Variants in ATXN1 observed in about 807,000 individuals in gnomAD.
The protein encoded by ATXN1 is ataxin-1.
Under a neutral mutation model 56.4 loss-of-function variants are expected in ATXN1, and 8 were observed. The ratio of observed to expected loss-of-function variants is 0.14; its 90% CI spans 0.08 to 0.26. The LOEUF (loss-of-function observed/expected upper bound fraction) is 0.26. ATXN1 is among the 10% of genes least tolerant of loss of function. The pLI is 1.00. For synonymous variants in ATXN1, 514 were observed against 494.6 expected, an observed-to-expected ratio of 1.04 and a Z score of -0.52; for missense variants, 987 against 1,106.5, an observed-to-expected ratio of 0.89 and a Z score of 1.53.
chr6:16,512,560 T>C lies in ATXN1; in HGVS notation c.-299+10067A>G, dbSNP rs537027299. Among the ~76,000 whole-genome samples, 4 of 152,360 alleles carry C rather than the reference T, an allele frequency of 2.6e-5. No individual in the cohort carries two copies. In the South Asian group the frequency reaches 8.3e-4, roughly 32 times the overall value. ...AGCATTTATAAAAGGTATTCTCTTTTAAAGATAAAGACAAGTTTAGAAGGC... is the reference window on the plus strand; with the variant it reads ...AGCATTTATAAAAGGTATTCTCTTTCAAAGATAAAGACAAGTTTAGAAGGC... On this transcript the variant is annotated intron_variant, in intron 5 of 7. Transcript: ENST00000436367.
chr6:16,320,258 G>A (rs1410205367), intron 7 of ATXN1, among the ~76,000 whole-genome samples: 1 of 152,042 alleles, frequency 6.6e-6, no homozygotes, highest in Non-Finnish European at 1.5e-5. Flanking sequence ...GAAAGCCATC[G>A]GTAGACAGCC....
intron 2 of ATXN1, among the ~76,000 whole-genome samples, chr6:16,682,116 T>G (rs1013485268): frequency 6.6e-6 from 1 of 152,068 alleles, no homozygotes; most frequent in Admixed American, 6.6e-5. Flanking sequence ...GGAATTTCCC[T>G]TCTTCTTTCT....
chr6:16,608,426 T>G (rs928881874), intron 3 of ATXN1, among the ~76,000 whole-genome samples: 3 of 152,192 alleles, frequency 2.0e-5, no homozygotes, highest in African/African-American at 7.2e-5. Context: ...CTACACTGTG[T>G]TTGGATGTGG....
chr6:16,722,161 G>A (rs868323542), intron 2 of ATXN1, among the ~76,000 whole-genome samples: 20 of 152,218 alleles, frequency 1.3e-4, no homozygotes, highest in African/African-American at 4.6e-4. Context: ...GGAAATGAAA[G>A]GAGATAACGA....
intron 6 of ATXN1, among the ~76,000 whole-genome samples, chr6:16,452,031 G>A (rs966281630): frequency 4.6e-5 from 7 of 152,134 alleles, no homozygotes; most frequent in Non-Finnish European, 8.8e-5. Context: ...ATGTCAGGCC[G>A]TTCTTAGATT....
At chr6:16,686,872 C>T (rs1758929659) in intron 2 of ATXN1, among the ~76,000 whole-genome samples, 1 of 152,126 alleles carries the variant, frequency 6.6e-6, no homozygotes, top group South Asian at 2.1e-4. Context: ...GAACTTGGAG[C>T]ATATTTACAA....
At chr6:16,597,622 T>A (rs1443656906) in intron 3 of ATXN1, among the ~76,000 whole-genome samples, 2 of 152,090 alleles carry the variant, frequency 1.3e-5, no homozygotes, top group African/African-American at 4.8e-5. Flanking sequence ...GTATTTTCAG[T>A]CGAGACGGGG....
At chr6:16,708,712 G>A (rs1453922229) in intron 2 of ATXN1, among the ~76,000 whole-genome samples, 1 of 152,048 alleles carries the variant, frequency 6.6e-6, no homozygotes, top group South Asian at 2.1e-4. Context: ...AAAAGAAGAC[G>A]TTCAAATCAG....
chr6:16,319,273 G>A (rs1021920380), intron 7 of ATXN1, among the ~76,000 whole-genome samples: 3 of 152,030 alleles, frequency 2.0e-5, no homozygotes, highest in African/African-American at 7.2e-5. Context: ...AAAAAGAAAT[G>A]AGCTATCAGA....
intron 4 of ATXN1, among the ~76,000 whole-genome samples, chr6:16,534,236 A>G (rs1363950595): frequency 6.6e-6 from 1 of 152,082 alleles, no homozygotes; most frequent in Non-Finnish European, 1.5e-5. Context: ...AACCCAGTTA[A>G]CCAAAAAATT....
chr6:16,602,605 C>A (rs1326604478), intron 3 of ATXN1, among the ~76,000 whole-genome samples: 1 of 152,060 alleles, frequency 6.6e-6, no homozygotes, highest in African/African-American at 2.4e-5. Context: ...GCGCAGGCCA[C>A]CATGCCCTGC....
chr6:16,521,301 C>T lies in ATXN1; in HGVS notation c.-299+1326G>A, dbSNP rs556369578. ...AAATGGGGCCGGGCGCGGTGGCTCA[C>T]GCCTGTAATCCCAGCACTTTGGGAG... On this transcript the variant is annotated intron_variant, in intron 5 of 7. Coordinates refer to ENST00000436367, the MANE Select transcript of ATXN1 (RefSeq NM_001128164.2). Among the ~76,000 whole-genome samples the T allele has an allele frequency of 7.6e-4, 116 of 152,322 alleles. No homozygotes were observed. The Middle Eastern group carries it at 0.01, about 13-fold the overall frequency.
At chr6:16,441,855 C>T (rs990250015) in intron 6 of ATXN1, among the ~76,000 whole-genome samples, 2 of 151,948 alleles carry the variant, frequency 1.3e-5, no homozygotes, top group Admixed American at 6.6e-5. Flanking sequence ...AAATAGAATT[C>T]AAGAGAAAGA....
intron 4 of ATXN1, among the ~76,000 whole-genome samples, chr6:16,578,420 T>C (rs1168918689): frequency 6.6e-6 from 1 of 152,250 alleles, no homozygotes; most frequent in African/African-American, 2.4e-5. Flanking sequence ...TCACAATGGC[T>C]ACCCCATTCC....
chr6:16,743,436 A>G (rs1760411303), intron 2 of ATXN1, among the ~76,000 whole-genome samples: 1 of 152,226 alleles, frequency 6.6e-6, no homozygotes, highest in Non-Finnish European at 1.5e-5. Flanking sequence ...ACAGGACCCC[A>G]TGCTGGTTCC....
At chr6:16,604,362 G>A (rs1239319046) in intron 3 of ATXN1, among the ~76,000 whole-genome samples, 2 of 151,182 alleles carry the variant, frequency 1.3e-5, no homozygotes, top group African/African-American at 4.9e-5. Flanking sequence ...CGTGGCACGT[G>A]GTGCACATCT....
intron 4 of ATXN1, among the ~76,000 whole-genome samples, chr6:16,534,878 G>T (rs114920290): frequency 1.0e-3 from 159 of 152,300 alleles, no homozygotes; most frequent in South Asian, 8.7e-3. Context: ...AGGCTAGGTC[G>T]CACCAGCCCT....
At chr6:16,550,426 G>T (rs1182014310) in intron 4 of ATXN1, among the ~76,000 whole-genome samples, 2 of 152,126 alleles carry the variant, frequency 1.3e-5, no homozygotes, top group Non-Finnish European at 2.9e-5. Flanking sequence ...ATCTGAGAGG[G>T]TATCCTAGAA....
intron 4 of ATXN1, among the ~76,000 whole-genome samples, chr6:16,560,508 G>A (rs1291932529): frequency 6.6e-6 from 1 of 152,130 alleles, no homozygotes; most frequent in Non-Finnish European, 1.5e-5. Context: ...CCTTTAATAT[G>A]CTTGTTCTAA....
Sources: allele counts gnomAD v4.1 joint callset (sites outside exome capture counted in the v4.1 genomes callset), GRCh38; gene constraint gnomAD v4.1.1; transcripts MANE v1.5; gene names NCBI Gene and HGNC (gene_info 2026-07-23, HGNC 2026-07-21).